Variants in LHFPL3 observed in about 807,000 individuals in gnomAD.
LHFPL3 encodes the protein LHFPL tetraspan subfamily member 3 protein.
LHFPL3 carries 5 observed loss-of-function variants against 19.3 expected under a neutral mutation model. The ratio of observed to expected loss-of-function variants is 0.26; its 90% confidence interval spans 0.14 to 0.54. LHFPL3 has a LOEUF of 0.54. Ranked by LOEUF, LHFPL3 falls within the 20% of genes least tolerant of loss-of-function variation. The pLI is 0.94. For missense variants in LHFPL3, 249 were observed against 307.4 expected, an observed-to-expected ratio of 0.81 and a Z score of 1.42; for synonymous variants, 133 against 126.2, an observed-to-expected ratio of 1.05 and a Z score of -0.36.
intron 1 of LHFPL3, chr7:104,668,165 T>C: frequency 1.2e-6 from 2 of 1,614,036 alleles, no homozygotes; most frequent in Non-Finnish European, 1.7e-6. Context: ...TGAAAGGTTT[T>C]GGTTATGCTG....
At chr7:104,797,814 G>A (rs1790161942) in intron 2 of LHFPL3, among the ~76,000 whole-genome samples, 1 of 152,074 alleles carries the variant, frequency 6.6e-6, no homozygotes, top group Non-Finnish European at 1.5e-5. Context: ...TACTTGGGGT[G>A]CTAAGGCAAA....
intron 1 of LHFPL3, among the ~76,000 whole-genome samples, chr7:104,623,725 A>C (rs1584446265): frequency 6.6e-6 from 1 of 151,772 alleles, no homozygotes; most frequent in Non-Finnish European, 1.5e-5. Context: ...AGCCATATGC[A>C]GAGGTCCACA....
At chr7:104,378,235 C>T (rs952554985) in intron 1 of LHFPL3, among the ~76,000 whole-genome samples, 10 of 152,140 alleles carry the variant, frequency 6.6e-5, no homozygotes, top group Admixed American at 2.0e-4. Context: ...GCAGTTATCC[C>T]CTCATGCCTG....
chr7:104,440,139 G>T (rs1359267807), intron 1 of LHFPL3, among the ~76,000 whole-genome samples: 5 of 151,060 alleles, frequency 3.3e-5, no homozygotes, highest in Non-Finnish European at 5.9e-5. Context: ...TAACTAACTT[G>T]CACATCGTGC....
intron 1 of LHFPL3, among the ~76,000 whole-genome samples, chr7:104,402,703 T>A (rs1399687905): frequency 6.6e-6 from 1 of 152,224 alleles, no homozygotes; most frequent in Non-Finnish European, 1.5e-5. Context: ...CTTAGGGCTT[T>A]CCTTATATTT....
intron 1 of LHFPL3, among the ~76,000 whole-genome samples, chr7:104,709,197 T>C (rs568901252): frequency 6.6e-6 from 1 of 152,064 alleles, no homozygotes; most frequent in South Asian, 2.1e-4. Context: ...AATTTTATTA[T>C]CCACAATTTC....
intron 1 of LHFPL3, among the ~76,000 whole-genome samples, chr7:104,372,509 G>C (rs1330388039): frequency 6.6e-6 from 1 of 152,086 alleles, no homozygotes; most frequent in South Asian, 2.1e-4. Context: ...TCAGTGTGCC[G>C]TTTGATACAC....
chr7:104,475,821 C>T (rs1267837765), intron 1 of LHFPL3, among the ~76,000 whole-genome samples: 1 of 152,158 alleles, frequency 6.6e-6, no homozygotes, highest in East Asian at 1.9e-4. Context: ...CTTGTTTAGA[C>T]ACTATGACCA....
chr7:104,378,186 A>G (rs1790754805), intron 1 of LHFPL3, among the ~76,000 whole-genome samples: 1 of 152,188 alleles, frequency 6.6e-6, no homozygotes, highest in Admixed American at 6.5e-5. Context: ...CAGGTATACA[A>G]TATTTCTAGC....
chr7:104,536,648 G>A (rs1046962227), intron 1 of LHFPL3, among the ~76,000 whole-genome samples: 1 of 152,220 alleles, frequency 6.6e-6, no homozygotes, highest in Non-Finnish European at 1.5e-5. Context: ...TGAGACTTCC[G>A]GAGTGTTTCC....
chr7:104,331,694 A>C (rs547333831), intron 1 of LHFPL3, among the ~76,000 whole-genome samples: 63 of 152,310 alleles, frequency 4.1e-4, no homozygotes, highest in African/African-American at 1.4e-3. Flanking sequence ...TCATGCCTGT[A>C]ATCTCAGCAC....
intron 1 of LHFPL3, among the ~76,000 whole-genome samples, chr7:104,678,297 G>A (rs1308393665): frequency 2.6e-5 from 4 of 152,154 alleles, no homozygotes; most frequent in Middle Eastern, 3.2e-3. Context: ...ATGCTAGTCT[G>A]TATTACAGGC....
At chr7:104,550,520 A>G (rs540409225) in intron 1 of LHFPL3, among the ~76,000 whole-genome samples, 1 of 152,302 alleles carries the variant, frequency 6.6e-6, no homozygotes, top group East Asian at 1.9e-4. Context: ...ACATGAGAGG[A>G]AAAAGGTGGA....
intron 2 of LHFPL3, among the ~76,000 whole-genome samples, chr7:104,774,577 T>C (rs1251353419): frequency 6.6e-6 from 1 of 152,230 alleles, no homozygotes; most frequent in Non-Finnish European, 1.5e-5. Flanking sequence ...AAACACAGCC[T>C]TTAGCTTTTC....
At chr7:104,481,242 T>C (rs543278986) in intron 1 of LHFPL3, among the ~76,000 whole-genome samples, 2 of 152,340 alleles carry the variant, frequency 1.3e-5, no homozygotes, top group South Asian at 4.1e-4. Flanking sequence ...AGTTCTTCTC[T>C]GCCTCCGGTC....
intron 1 of LHFPL3, among the ~76,000 whole-genome samples, chr7:104,606,093 T>C (rs1004413255): frequency 1.3e-5 from 2 of 152,226 alleles, no homozygotes; most frequent in Non-Finnish European, 2.9e-5. Flanking sequence ...ACTCCTGGCC[T>C]CATGCAAGTG....
intron 2 of LHFPL3, among the ~76,000 whole-genome samples, chr7:104,792,850 C>T (rs1790051620): frequency 6.6e-6 from 1 of 152,122 alleles, no homozygotes; most frequent in South Asian, 2.1e-4. Context: ...TCTGATGTTT[C>T]CTGTGAGCTG....
chr7:104,890,875 A>T (rs1430569532), intron 2 of LHFPL3, among the ~76,000 whole-genome samples: 4 of 152,140 alleles, frequency 2.6e-5, no homozygotes, highest in Non-Finnish European at 5.9e-5. Flanking sequence ...CAGGCTGATG[A>T]GAATAGACAG....
chr7:104,849,136 G>T (rs1235397917), intron 2 of LHFPL3, among the ~76,000 whole-genome samples: 1 of 152,076 alleles, frequency 6.6e-6, no homozygotes, highest in Non-Finnish European at 1.5e-5. Flanking sequence ...TCACTGTGTT[G>T]CCCAGGCTGG....
Sources: gnomAD v4.1 joint callset for allele counts (sites outside exome capture counted in the v4.1 genomes callset) on GRCh38, gnomAD v4.1.1 for gene constraint, MANE v1.5 for transcripts, NCBI Gene and HGNC (gene_info 2026-07-23, HGNC 2026-07-21) for gene names.